SYN3: variants seen among roughly 807,000 people sequenced by gnomAD.
The protein encoded by SYN3 is synapsin-3.
SYN3 carries 35 observed loss-of-function variants against 65.8 expected under a neutral mutation model. That is an observed-to-expected ratio of 0.53 (90% confidence interval 0.41 to 0.70). SYN3 has a LOEUF of 0.70. SYN3 is among the 30% of genes least tolerant of loss of function. The pLI is 0.00. For missense variants in SYN3, 680 were observed against 749.0 expected (o/e 0.91, Z 1.08); for synonymous variants, 270 against 292.9 (o/e 0.92, Z 0.80).
At chr22:32,716,227 C>T (rs372695968) in intron 6 of SYN3, among the ~76,000 whole-genome samples, 19 of 152,234 alleles carry the variant, frequency 1.2e-4, no homozygotes, top group African/African-American at 4.3e-4. Flanking sequence ...TACCTCATCC[C>T]TTCCTGTCTG....
chr22:32,901,001 G>T (rs757454293), intron 4 of SYN3, among the ~76,000 whole-genome samples: 10 of 152,210 alleles, frequency 6.6e-5, no homozygotes, highest in Non-Finnish European at 1.2e-4. Flanking sequence ...ACTCATAAAT[G>T]TTTGCTGAAT....
At chr22:32,526,454 G>C (rs2057977747) in intron 12 of SYN3, among the ~76,000 whole-genome samples, 3 of 152,124 alleles carry the variant, frequency 2.0e-5, no homozygotes, top group Admixed American at 2.0e-4. Context: ...TAATAATAGT[G>C]ACTGGGAAGG....
chr22:32,806,430 G>A (rs2046738208), intron 6 of SYN3, among the ~76,000 whole-genome samples: 2 of 152,138 alleles, frequency 1.3e-5, no homozygotes, highest in Non-Finnish European at 2.9e-5. Flanking sequence ...ATTCTCCATC[G>A]CACTTGGCTT....
chr22:32,891,352 G>A (rs1262577788), intron 4 of SYN3, among the ~76,000 whole-genome samples: 1 of 152,108 alleles, frequency 6.6e-6, no homozygotes, highest in African/African-American at 2.4e-5. Context: ...ACTTTCTGTT[G>A]CTTGTGCTGA....
At chr22:32,778,637 C>T (rs575631386) in intron 6 of SYN3, among the ~76,000 whole-genome samples, 61 of 152,176 alleles carry the variant, frequency 4.0e-4, no homozygotes, top group African/African-American at 1.3e-3. Context: ...AACACAATGA[C>T]GGATGATATT....
intron 6 of SYN3, chr22:32,857,895 T>C: frequency 1.4e-6 from 2 of 1,445,858 alleles, no homozygotes; most frequent in Non-Finnish European, 1.9e-6. Context: ...AATAAAATCA[T>C]GGGTCTGAAA....
chr22:32,513,556 T>A lies in SYN3; in HGVS notation c.*136A>T. 8.5e-7 allele frequency: 1 copy of A among 1,176,888 alleles called. No homozygotes were observed. Among genetic ancestry groups the A allele is most frequent in the Non-Finnish European group, 1.2e-6 (1 of 843,018 alleles). 72.9% of individuals were successfully genotyped at this position (1,176,888 alleles called of 1,614,324 possible). On this transcript the variant is annotated 3_prime_UTR_variant, in exon 14 of 14. Coordinates refer to ENST00000358763, the MANE Select transcript of SYN3 (RefSeq NM_003490.4). ...GGAACAAATATAGATAATCGGTTCCTGGGTCAAAGGCATTTAGAAAGTATG... is the reference window on the plus strand; with the variant it reads ...GGAACAAATATAGATAATCGGTTCCAGGGTCAAAGGCATTTAGAAAGTATG...
At chr22:33,000,920 G>A (rs559837590) in intron 2 of SYN3, among the ~76,000 whole-genome samples, 56 of 152,266 alleles carry the variant, frequency 3.7e-4, no homozygotes, top group Middle Eastern at 3.4e-3. Context: ...GCATTTTTCC[G>A]GGATTCTTCA....
intron 6 of SYN3, among the ~76,000 whole-genome samples, chr22:32,665,745 G>A (rs2147035181): frequency 6.6e-6 from 1 of 152,044 alleles, no homozygotes; most frequent in African/African-American, 2.4e-5. Context: ...TCAGTGAAGT[G>A]TCTCAGGGGT....
intron 6 of SYN3, among the ~76,000 whole-genome samples, chr22:32,742,584 A>G (rs1397081631): frequency 1.3e-5 from 2 of 152,126 alleles, no homozygotes; most frequent in East Asian, 1.9e-4. Context: ...TTCTCACTCT[A>G]TAGACAAGGA....
intron 1 of SYN3, among the ~76,000 whole-genome samples, chr22:33,019,050 C>A (rs972091881): frequency 6.6e-6 from 1 of 152,200 alleles, no homozygotes; most frequent in Non-Finnish European, 1.5e-5. Flanking sequence ...TCCCTCTAAG[C>A]TCAGTCATTC....
intron 6 of SYN3, among the ~76,000 whole-genome samples, chr22:32,811,731 T>C (rs968707538): frequency 6.6e-6 from 1 of 152,168 alleles, no homozygotes; most frequent in African/African-American, 2.4e-5. Context: ...GATGTCAGTA[T>C]TGAGAATGGC....
intron 4 of SYN3, among the ~76,000 whole-genome samples, chr22:32,875,048 G>A (rs191631955): frequency 2.0e-4 from 30 of 152,312 alleles, no homozygotes; most frequent in African/African-American, 5.5e-4. Flanking sequence ...GGTTTGAATC[G>A]CCCATATGGA....
chr22:32,966,278 G>A (rs922346124), intron 3 of SYN3, among the ~76,000 whole-genome samples: 3 of 152,194 alleles, frequency 2.0e-5, no homozygotes, highest in Admixed American at 6.5e-5. Context: ...AGCTAATGTT[G>A]AAGAATCTAT....
intron 7 of SYN3, among the ~76,000 whole-genome samples, chr22:32,579,017 G>A (rs1302248215): frequency 6.6e-6 from 1 of 152,164 alleles, no homozygotes; most frequent in Non-Finnish European, 1.5e-5. Flanking sequence ...CAAGCCCTGC[G>A]CTAGACTGTT....
chr22:32,722,055 G>A (rs2061126896), intron 6 of SYN3, among the ~76,000 whole-genome samples: 1 of 152,220 alleles, frequency 6.6e-6, no homozygotes, highest in African/African-American at 2.4e-5. Flanking sequence ...ATGAGCGAGA[G>A]GAAGAGCGGT....
chr22:32,617,227 A>G (rs537587595), intron 6 of SYN3, among the ~76,000 whole-genome samples: 4 of 152,310 alleles, frequency 2.6e-5, no homozygotes, highest in African/African-American at 9.6e-5. Context: ...TGGAGCCTCA[A>G]CAAAAAAAGA....
intron 3 of SYN3, among the ~76,000 whole-genome samples, chr22:32,959,943 G>A (rs1045269540): frequency 3.3e-5 from 5 of 152,156 alleles, no homozygotes; most frequent in African/African-American, 9.7e-5. Context: ...TTCCAGCTAC[G>A]CATCAAACAG....
In SYN3 at chr22:32,508,432, C is replaced by G. The variant is rs948086042; in HGVS notation, c.*5260G>C. On this transcript the variant is annotated 3_prime_UTR_variant, in exon 14 of 14. Coordinates refer to ENST00000358763, the MANE Select transcript of SYN3 (RefSeq NM_003490.4). ...TTTTCGGACTCATCCGGCCTGCACC[C>G]AGGTGAAATAAACAGCCATGTTGCT... 2.6e-5 allele frequency among the ~76,000 whole-genome samples: 4 copies of G among 152,166 alleles called. No homozygotes were observed. Among genetic ancestry groups the G allele is most frequent in the African/African-American group, 9.6e-5 (4 of 41,452 alleles).
Sources: allele counts gnomAD v4.1 joint callset (sites outside exome capture counted in the v4.1 genomes callset), GRCh38; gene constraint gnomAD v4.1.1; transcripts MANE v1.5; gene names NCBI Gene and HGNC (gene_info 2026-07-23, HGNC 2026-07-21).